ZC3H3: variants seen among roughly 807,000 people sequenced by gnomAD.
ZC3H3 encodes zinc finger CCCH-type containing 3.
Under a neutral mutation model 77.3 loss-of-function variants are expected in ZC3H3, and 36 were observed. That is an observed-to-expected ratio of 0.47 (90% CI 0.36 to 0.61). ZC3H3 has a LOEUF of 0.61. Ranked by LOEUF, ZC3H3 falls within the 20% of genes least tolerant of loss-of-function variation. The pLI, the probability that ZC3H3 is intolerant of heterozygous loss-of-function variation, is 0.00. For missense variants in ZC3H3, 1,331 were observed against 1,312.2 expected, an observed-to-expected ratio of 1.01 and a Z score of -0.22; for synonymous variants, 626 against 555.2, an observed-to-expected ratio of 1.13 and a Z score of -1.79.
chr8:143,538,076 A>C lies in ZC3H3; in HGVS notation c.1291T>G (p.Ser431Ala), dbSNP rs72691463. 2 of 1,612,962 alleles carry C rather than the reference A, an allele frequency of 1.2e-6. No homozygotes were observed. The highest frequency in any genetic ancestry group is 4.5e-5 in the East Asian group (2 of 44,878). Residue 431 changes from serine to alanine, a missense_variant, in exon 2 of 12, where the codon TCT (serine) becomes GCT (alanine). Physicochemically the swap from Ser to Ala is moderately conservative, Grantham distance 99. Around this residue, in one of 3 missense-constraint regions of ZC3H3, gnomAD observed 978 missense variants for 915.5 expected, o/e 1.07. Transcript: ENST00000262577. Reference sequence around the variant, plus strand: ...TAAGCCGAGAGCGGGGTCTCCCCAGAGAGGGGCTTCAAGCCACTGTGTCCT... The same window carrying C: ...TAAGCCGAGAGCGGGGTCTCCCCAGCGAGGGGCTTCAAGCCACTGTGTCCT... Reference protein sequence around the residue: ...AVGHSGLKPLSGETPLSAYKV... With the variant: ...AVGHSGLKPLAGETPLSAYKV...
In ZC3H3 at chr8:143,483,147, G is replaced by C. The variant is rs117180954; in HGVS notation, c.1716-7562C>G. On this transcript the variant is annotated intron_variant, in intron 4 of 11. Coordinates refer to ENST00000262577, the MANE Select transcript of ZC3H3 (RefSeq NM_015117.3). ...AAGTCAGCAGAAGAGGAGCGGCCGGGGGGAGGCGGCGCCGCAGCGAATCCC... is the reference window on the plus strand; with the variant it reads ...AAGTCAGCAGAAGAGGAGCGGCCGGCGGGAGGCGGCGCCGCAGCGAATCCC... Among the ~76,000 whole-genome samples, 14 of 152,374 alleles carry C rather than the reference G, an allele frequency of 9.2e-5. No individual in the cohort carries two copies. In the South Asian group the frequency reaches 2.5e-3, roughly 27 times the overall value.
At position 143,541,414 on chromosome 8, in the gene ZC3H3, T is replaced by C. The variant is rs1377757786; in HGVS notation, c.8A>G (p.Glu3Gly). 1 of 1,611,740 alleles carries C rather than the reference T, an allele frequency of 6.2e-7. No individual in the cohort carries two copies. Among genetic ancestry groups the C allele is most frequent in the South Asian group, 1.1e-5 (1 of 90,904 alleles). Residue 3 changes from glutamate (E) to glycine (G), a missense_variant, in exon 1 of 12, where the codon GAA becomes GGA. This residue lies in a region of ZC3H3 where 978 missense variants were observed against 915.5 expected (regional missense o/e 1.07). Coordinates refer to ENST00000262577, the MANE Select transcript of ZC3H3 (RefSeq NM_015117.3). ME[E>G]KEILRRQIRL... ...GATCTGCCGCCGTAATATCTCCTTT[T>C]CCTCCATCTCCCGAGTCCGCGACGG...
intron 3 of ZC3H3, among the ~76,000 whole-genome samples, chr8:143,529,972 G>A (rs1001714352): frequency 6.6e-6 from 1 of 152,226 alleles, no homozygotes; most frequent in African/African-American, 2.4e-5. Flanking sequence ...GTGAGCTGGG[G>A]TGAGTGGAGA....
chr8:143,447,420 A>C (rs1323625131), intron 9 of ZC3H3, among the ~76,000 whole-genome samples: 2 of 152,190 alleles, frequency 1.3e-5, no homozygotes, highest in African/African-American at 2.4e-5. Flanking sequence ...ACTTCATGGA[A>C]TGTAGTATCT....
intron 4 of ZC3H3, among the ~76,000 whole-genome samples, chr8:143,503,632 CT>C (rs1821598479): frequency 1.5e-5 from 1 of 68,010 alleles, no homozygotes; most frequent in Non-Finnish European, 3.1e-5. Context: ...CCACCACCTC[CT>C]CCAGCACCCA....
intron 3 of ZC3H3, among the ~76,000 whole-genome samples, chr8:143,532,003 G>A (rs1056656506): frequency 5.3e-5 from 8 of 152,250 alleles, no homozygotes; most frequent in Non-Finnish European, 1.2e-4. Flanking sequence ...TTGATTGAAC[G>A]CGGCAATTAC....
At chr8:143,529,487 G>A (rs373723702) in intron 3 of ZC3H3, among the ~76,000 whole-genome samples, 2 of 152,180 alleles carry the variant, frequency 1.3e-5, no homozygotes, top group African/African-American at 4.8e-5. Flanking sequence ...GACACAGGAG[G>A]GCCCCAGGGA....
At chr8:143,449,294 G>A (rs1819931207) in intron 9 of ZC3H3, among the ~76,000 whole-genome samples, 1 of 152,198 alleles carries the variant, frequency 6.6e-6, no homozygotes, top group Admixed American at 6.5e-5. Context: ...ACATGGCCAG[G>A]CTGCAAATTT....
In ZC3H3 at chr8:143,464,436, G is replaced by A. The variant is rs375789970; in HGVS notation, c.2307+1281C>T. Reference sequence around the variant, plus strand: ...GCCCGGCCTGGCCAACCCTTGGCCCGGCAGCAGGGGCTGCAGGCTGACTCC... The same window carrying A: ...GCCCGGCCTGGCCAACCCTTGGCCCAGCAGCAGGGGCTGCAGGCTGACTCC... On this transcript the variant is annotated intron_variant, in intron 9 of 11. Transcript: ENST00000262577. Among the ~76,000 whole-genome samples the A allele has an allele frequency of 2.0e-4, 31 of 152,278 alleles. No individual in the cohort carries two copies. In the East Asian group the frequency reaches 4.3e-3, roughly 21 times the overall value.
intron 9 of ZC3H3, among the ~76,000 whole-genome samples, chr8:143,457,492 G>A (rs763110594): frequency 6.6e-6 from 1 of 152,148 alleles, no homozygotes; most frequent in Non-Finnish European, 1.5e-5. Context: ...AGCACTTTGG[G>A]AGGCTGAGGC....
At chr8:143,518,062 G>T (rs1259363140) in intron 3 of ZC3H3, among the ~76,000 whole-genome samples, 1 of 152,290 alleles carries the variant, frequency 6.6e-6, no homozygotes, top group East Asian at 1.9e-4. Context: ...CTGGTCCACA[G>T]GGCCCCCAGC....
chr8:143,486,754 G>A (rs377213911), intron 4 of ZC3H3, among the ~76,000 whole-genome samples: 10 of 147,572 alleles, frequency 6.8e-5, no homozygotes, highest in South Asian at 4.3e-4. Flanking sequence ...CCCGCTACAC[G>A]ACCCCATCAC....
intron 4 of ZC3H3, among the ~76,000 whole-genome samples, chr8:143,479,552 G>A (rs111947650): frequency 0.019 from 2,924 of 152,336 alleles, 58 homozygotes; most frequent in African/African-American, 0.055. Context: ...GGTATTAAGC[G>A]TGGATAATGA....
chr8:143,474,850 G>A (rs925629239), intron 5 of ZC3H3, among the ~76,000 whole-genome samples: 7 of 152,254 alleles, frequency 4.6e-5, no homozygotes, highest in South Asian at 2.1e-4. Flanking sequence ...CTGGGAGGGC[G>A]CAAGGTGGCG....
Position 143,538,130 on chromosome 8 carries a change from T to C in ZC3H3, c.1237A>G (p.Arg413Gly), listed in dbSNP as rs1822864567. The C allele has an allele frequency of 6.2e-7, 1 of 1,613,154 alleles. No homozygotes were observed. Among genetic ancestry groups the C allele is most frequent in the Non-Finnish European group, 8.5e-7 (1 of 1,180,030 alleles). Residue 413 changes from arginine (R) to glycine (G), a missense_variant, in exon 2 of 12, where the codon AGG becomes GGG. By Grantham distance (125) the Arg-to-Gly change is moderately radical. This residue lies in a region of ZC3H3 where 978 missense variants were observed against 915.5 expected (regional missense o/e 1.07). Transcript: ENST00000262577. ...HASQLSPVLS[R>G]SPSGDRPAVG... ...GCTGGTCTGTCCCCCGACGGGGACC[T>C]AGACAGGACTGGGGAGAGCTGGGAG...
chr8:143,491,746 AGGG>A (rs1226929448), intron 4 of ZC3H3, among the ~76,000 whole-genome samples: 1 of 152,200 alleles, frequency 6.6e-6, no homozygotes, highest in African/African-American at 2.4e-5. Context: ...CCTCAGGGGC[AGGG>A]GAGGCAGAGG....
At chr8:143,471,320 G>C (rs2129888170) in intron 5 of ZC3H3, among the ~76,000 whole-genome samples, 1 of 152,374 alleles carries the variant, frequency 6.6e-6, no homozygotes, top group South Asian at 2.1e-4. Flanking sequence ...CCCCAGAAGA[G>C]GCAGTGTGGG....
intron 4 of ZC3H3, among the ~76,000 whole-genome samples, chr8:143,481,105 G>T (rs1377536668): frequency 1.3e-5 from 2 of 152,222 alleles, no homozygotes; most frequent in Non-Finnish European, 2.9e-5. Flanking sequence ...GTTCAACAGG[G>T]TCTTCCAAGG....
chr8:143,537,035 G>A (rs913150165), intron 2 of ZC3H3, among the ~76,000 whole-genome samples: 7 of 152,018 alleles, frequency 4.6e-5, no homozygotes, highest in Admixed American at 2.6e-4. Context: ...TGAGCTACAC[G>A]AGCCAGCAAC....
Sources: gnomAD v4.1 joint callset for allele counts (sites outside exome capture counted in the v4.1 genomes callset) on GRCh38, gnomAD v4.1.1 for gene constraint, gnomAD v4.1.1 regional missense constraint, MANE v1.5 for transcripts, NCBI Gene and HGNC (gene_info 2026-07-23, HGNC 2026-07-21) for gene names.